Variants in DHX37 observed in about 807,000 individuals in gnomAD.
The protein encoded by DHX37 is DEAH-box helicase 37.
DHX37 carries 52 observed loss-of-function variants against 134.3 expected under a neutral mutation model. The observed-to-expected ratio is 0.39, with a 90% CI of 0.31 to 0.49. The LOEUF is 0.49. Ranked by LOEUF, DHX37 falls within the 20% of genes least tolerant of loss-of-function variation. The pLI is 0.93. For missense variants in DHX37, 1,344 were observed against 1,580.8 expected, an observed-to-expected ratio of 0.85 and a Z score of 2.54; for synonymous variants, 634 against 670.7, an observed-to-expected ratio of 0.95 and a Z score of 0.85.
In DHX37 at chr12:124,949,829, G is replaced by A. The variant is rs1379019327; in HGVS notation, c.3290+157C>T. The stretch of plus-strand genomic sequence containing the variant: ...AGACGGACCCTCCCCGAGAGCCGCT[G>A]CACAGACCGTGGCTCTGCAGAGCCT... On this transcript the variant is annotated intron_variant, in intron 25 of 26. Coordinates refer to ENST00000308736, the MANE Select transcript of DHX37 (RefSeq NM_032656.4). The surrounding 1 kb of genome is among the most constrained non-coding windows in gnomAD (Gnocchi z 4.0). Among the ~76,000 whole-genome samples, 1 of 152,176 alleles carries A rather than the reference G, an allele frequency of 6.6e-6. No homozygotes were observed.
At chr12:124,968,733 A>T in intron 9 of DHX37, 85 bp from the exon 10 acceptor site, 2 of 1,606,080 alleles carry the variant, frequency 1.2e-6, no homozygotes, top group Non-Finnish European at 1.7e-6. Flanking sequence ...ATTATTCCGA[A>T]TCAAGGTTTC....
chr12:124,981,443 A>G (rs1026589385), intron 3 of DHX37, among the ~76,000 whole-genome samples: 1 of 152,106 alleles, frequency 6.6e-6, no homozygotes, highest in Non-Finnish European at 1.5e-5. Flanking sequence ...CAACTAGTCG[A>G]GACTAGGTGG....
Position 124,957,866 on chromosome 12 carries a change from G to A in DHX37, c.2158-731C>T, listed in dbSNP as rs80106880. On this transcript the variant is annotated intron_variant, in intron 16 of 26. Transcript: ENST00000308736. ...AACCTGTGCGTCTCTGAATGGAGGA[G>A]TGCATGAACAAAACGTGGGCCACCC... Among the ~76,000 whole-genome samples, 3 of 152,214 alleles carry A rather than the reference G, an allele frequency of 2.0e-5. No homozygotes were observed. In the East Asian group the frequency reaches 5.8e-4, roughly 29 times the overall value.
At chr12:124,948,517 C>A (rs563544558) in intron 25 of DHX37, 4 of 351,988 alleles carry the variant, frequency 1.1e-5, no homozygotes, top group Admixed American at 8.5e-5. Flanking sequence ...GAAGCTGAGG[C>A]AGGTGGATCA....
At chr12:124,981,916 G>C (rs1954768503) in intron 3 of DHX37, among the ~76,000 whole-genome samples, 1 of 151,722 alleles carries the variant, frequency 6.6e-6, no homozygotes, top group Admixed American at 6.6e-5. Flanking sequence ...CCAAGGTTGG[G>C]AGTTCGAGAC....
At position 124,949,892 on chromosome 12, in the gene DHX37, C is replaced by T. The variant is rs893546256; in HGVS notation, c.3290+94G>A. 1 of 1,338,818 alleles carries T rather than the reference C, an allele frequency of 7.5e-7. No homozygotes were observed. The highest frequency in any genetic ancestry group is 1.0e-6 in the Non-Finnish European group (1 of 967,132). 82.9% of individuals were successfully genotyped at this position (1,338,818 alleles called of 1,614,324 possible). A position where few individuals can be genotyped will look rare whatever the true frequency, so the allele number is the denominator to read the frequency against. On this transcript the variant is annotated intron_variant, in intron 25 of 26. Transcript: ENST00000308736. This position sits in a 1 kb window ranked among gnomAD's most constrained non-coding sequence, Gnocchi z 4.0. ...ACAGACTTCTGATGTTTTAAGCCTC[C>T]CTGTGTGTGGTGCTTTGTCCTGGCA...
rs186829159 is a variant in DHX37, at chr12:124,973,834, G to A, written c.981-1235C>T. 2.0e-5 allele frequency among the ~76,000 whole-genome samples: 3 copies of A among 151,948 alleles called. No homozygotes were observed. In the East Asian group the frequency reaches 5.8e-4, roughly 29 times the overall value. On this transcript the variant is annotated intron_variant, in intron 6 of 26. Coordinates refer to ENST00000308736, the MANE Select transcript of DHX37 (RefSeq NM_032656.4). ...TTTTTTGTATTTTTAGTAGAGATGG[G>A]TTTTCTTCATGTTTGTCAGGCTAGT... is the stretch of plus-strand genomic sequence containing the variant.
chr12:124,966,293 C>T (rs1478284010), intron 12 of DHX37, among the ~76,000 whole-genome samples: 1 of 152,216 alleles, frequency 6.6e-6, no homozygotes, highest in Non-Finnish European at 1.5e-5. Context: ...GACTTGAACT[C>T]CTGACCTCAG....
intron 16 of DHX37, among the ~76,000 whole-genome samples, chr12:124,959,051 AG>A (rs1156383717): frequency 7.3e-6 from 1 of 136,230 alleles, no homozygotes; most frequent in Admixed American, 7.2e-5. Context: ...CTGGGATTAT[AG>A]GCACCTGTCA....
intron 8 of DHX37, among the ~76,000 whole-genome samples, chr12:124,970,122 GC>G (rs1301262486): frequency 6.6e-6 from 1 of 152,102 alleles, no homozygotes; most frequent in African/African-American, 2.4e-5. Context: ...ACAGGTGTGC[GC>G]CACCAGGCCT....
rs751952725 is a variant in DHX37, at chr12:124,981,425, G to A, written c.390-587C>T. Among the ~76,000 whole-genome samples the A allele has an allele frequency of 2.6e-5, 4 of 152,130 alleles. No individual in the cohort carries two copies. In the South Asian group the frequency reaches 6.2e-4, roughly 24 times the overall value. On this transcript the variant is annotated intron_variant, in intron 3 of 26. Transcript: ENST00000308736. ...TGGTGGGGACACTGCTGGTGTGGCC[G>A]GATCGTCCAACTAGTCGAGACTAGG...
intron 15 of DHX37, among the ~76,000 whole-genome samples, chr12:124,961,506 G>A (rs1217656975): frequency 3.3e-5 from 5 of 152,136 alleles, no homozygotes; most frequent in South Asian, 2.1e-4. Flanking sequence ...TTGGCTCACT[G>A]CAACCTCTGC....
At position 124,986,132 on chromosome 12, in the gene DHX37, C is replaced by T. The variant is rs754081545; in HGVS notation, c.240G>A (p.Leu80=). 1 of 1,614,058 alleles carries T rather than the reference C, an allele frequency of 6.2e-7. No individual in the cohort carries two copies. Among genetic ancestry groups the T allele is most frequent in the African/African-American group, 1.3e-5 (1 of 74,936 alleles). The change falls in exon 2 of 27, where the codon CTG becomes CTA. Residue 80 remains leucine, a synonymous_variant. Coordinates refer to ENST00000308736, the MANE Select transcript of DHX37 (RefSeq NM_032656.4). Reference sequence around the variant, plus strand: ...TCTCCTTCTGTTCTAAGATTTTCTGCAGCACTTTCTTCTCCTTCTTGGTCA... The same window carrying T: ...TCTCCTTCTGTTCTAAGATTTTCTGTAGCACTTTCTTCTCCTTCTTGGTCA... ...KPLTKKEKKV[L]QKILEQKEKK...
At position 124,987,284 on chromosome 12, in the gene DHX37, A is replaced by G. The variant is rs191125660; in HGVS notation, c.107-1019T>C. ...CTTGAACCCGGGAGGTGGAGGTTGCAGTGAGCAGAGATCACGCCACTGCAC... is the reference window on the plus strand; with the variant it reads ...CTTGAACCCGGGAGGTGGAGGTTGCGGTGAGCAGAGATCACGCCACTGCAC... On this transcript the variant is annotated intron_variant, in intron 1 of 26. Transcript: ENST00000308736. Among the ~76,000 whole-genome samples, 38 of 152,304 alleles carry G rather than the reference A, an allele frequency of 2.5e-4. 1 individual carries two copies. In the East Asian group the frequency reaches 7.4e-3, roughly 29 times the overall value.
At chr12:124,961,265 T>C (rs1176772708) in intron 15 of DHX37, among the ~76,000 whole-genome samples, 8 of 88,354 alleles carry the variant, frequency 9.1e-5, no homozygotes, top group African/African-American at 3.7e-4. Context: ...CGCACACACA[T>C]ACACGCGTGC....
Position 124,980,280 on chromosome 12 carries a change from G to A in DHX37, c.738+210C>T, listed in dbSNP as rs114318094. 0.054 allele frequency among the ~76,000 whole-genome samples: 8,268 copies of A among 152,308 alleles called. 774 individuals are homozygous for A. The highest frequency in any genetic ancestry group is 0.19 in the African/African-American group (7,838 of 41,536). ...CTCCAGGGCCCCGAGCCTGCCAGGCGTGCCGCCAGACACCCGCCCTGCACT... is the reference window on the plus strand; with the variant it reads ...CTCCAGGGCCCCGAGCCTGCCAGGCATGCCGCCAGACACCCGCCCTGCACT... On this transcript the variant is annotated intron_variant, in intron 4 of 26. Coordinates refer to ENST00000308736, the MANE Select transcript of DHX37 (RefSeq NM_032656.4). This position sits in a 1 kb window ranked among gnomAD's most constrained non-coding sequence, Gnocchi z 5.3.
At chr12:124,957,346 A>G (rs1442825358) in intron 16 of DHX37, among the ~76,000 whole-genome samples, 1 of 152,152 alleles carries the variant, frequency 6.6e-6, no homozygotes, top group African/African-American at 2.4e-5. Flanking sequence ...CATTCACTCA[A>G]AAACACGTCC....
intron 13 of DHX37, 70 bp from the exon 14 acceptor site, chr12:124,965,076 C>T (rs985674256): frequency 3.8e-5 from 57 of 1,500,424 alleles, no homozygotes; most frequent in African/African-American, 3.4e-4. Flanking sequence ...CTGGCCACAG[C>T]GGCCCTGCAC....
rs923484067 is a variant in DHX37, at chr12:124,980,192, C to T, written c.738+298G>A. Among the ~76,000 whole-genome samples the T allele has an allele frequency of 2.6e-5, 4 of 152,356 alleles. No individual in the cohort carries two copies. The highest frequency in any genetic ancestry group is 1.9e-4 in the East Asian group (1 of 5,170). ...TCACAGCCCAAACTCTTGTCTGGAT[C>T]GGGGCAGCCCAGGCCAGGCCCGCTG... On this transcript the variant is annotated intron_variant, in intron 4 of 26. Coordinates refer to ENST00000308736, the MANE Select transcript of DHX37 (RefSeq NM_032656.4). This position sits in a 1 kb window ranked among gnomAD's most constrained non-coding sequence, Gnocchi z 5.3.
Sources: allele counts gnomAD v4.1 joint callset (sites outside exome capture counted in the v4.1 genomes callset), GRCh38; gene constraint gnomAD v4.1.1; non-coding constraint Gnocchi (gnomAD v3.1); transcripts MANE v1.5; gene names NCBI Gene and HGNC (gene_info 2026-07-23, HGNC 2026-07-21).